SESN3: variants seen among roughly 807,000 people sequenced by gnomAD.
The protein encoded by SESN3 is sestrin 3.
SESN3 carries 21 observed loss-of-function variants against 55.3 expected under a neutral mutation model. That is an observed-to-expected ratio of 0.38 (90% confidence interval 0.27 to 0.55). The LOEUF (loss-of-function observed/expected upper bound fraction) is 0.55. SESN3 is among the 20% of genes least tolerant of loss of function. The pLI, the probability that SESN3 is intolerant of heterozygous loss-of-function variation, is 0.76. For missense variants in SESN3, 408 were observed against 604.3 expected (o/e 0.68, Z 3.41); for synonymous variants, 181 against 203.1 (o/e 0.89, Z 0.93).
At chr11:95,201,392 C>T (rs543113893) in intron 1 of SESN3, 8 of 152,140 alleles carry the variant, frequency 5.3e-5, no homozygotes, top group South Asian at 4.2e-4. Context: ...GAATTAAAAA[C>T]GTATATCCAC....
intron 1 of SESN3, among the ~76,000 whole-genome samples, chr11:95,200,275 C>T (rs1225362475): frequency 6.6e-6 from 1 of 152,020 alleles, no homozygotes; most frequent in Non-Finnish European, 1.5e-5. Flanking sequence ...GGTACTTTTA[C>T]AGTAAACTTA....
rs1555117558 is a variant in SESN3, at chr11:95,173,121, A to AAAC, written c.*133_*134insGTT. 1.4e-4 allele frequency: 72 copies of AAAC among 519,910 alleles called. 1 individual carries two copies. Among genetic ancestry groups the AAAC allele is most frequent in the East Asian group, 7.1e-4 (25 of 35,366 alleles). 32.2% of individuals were successfully genotyped at this position (519,910 alleles called of 1,614,324 possible). The stretch of plus-strand genomic sequence containing the variant: ...TGCACATTACAGCCGCAAAAAACAA[A>AAAC]AAAAAAAAAACAAACGGCTAAACTT... On this transcript the variant is annotated 3_prime_UTR_variant, in exon 10 of 10. Transcript: ENST00000536441.
chr11:95,185,277 A>G lies in SESN3; in HGVS notation c.741T>C (p.Ser247=), dbSNP rs986671650. The G allele has an allele frequency of 2.5e-6, 4 of 1,608,614 alleles. No individual in the cohort carries two copies. The highest frequency in any genetic ancestry group is 1.1e-5 in the South Asian group (1 of 90,780). ...TAACCCCAAAGTTGCTGCCTGAAAG[A>G]GATGCATTCTCTATGTTGTTGTCAT... The part of the protein sequence containing the change: ...LANDNNIENA[S]LSGSNFGIVD... Residue 247 remains serine, a synonymous_variant, in exon 5 of 10, where the codon TCT becomes TCC. Transcript: ENST00000536441.
At chr11:95,226,118 T>C (rs1860944283) in intron 1 of SESN3, among the ~76,000 whole-genome samples, 1 of 151,914 alleles carries the variant, frequency 6.6e-6, no homozygotes, top group Non-Finnish European at 1.5e-5. Flanking sequence ...GACAGAAAAG[T>C]GAGTATTAAC....
At chr11:95,208,898 A>G (rs563732170) in intron 1 of SESN3, among the ~76,000 whole-genome samples, 1 of 151,732 alleles carries the variant, frequency 6.6e-6, no homozygotes, top group South Asian at 2.1e-4. Context: ...CCCCTTCCTG[A>G]TACCTTAAAC....
Position 95,231,158 on chromosome 11 carries a change from G to GCCACCGCTGCCACCGCCA in SESN3, c.-316_-299dup, listed in dbSNP as rs1861056968. On this transcript the variant is annotated 5_prime_UTR_variant, in exon 1 of 10. Coordinates refer to ENST00000536441, the MANE Select transcript of SESN3 (RefSeq NM_144665.4). ...CCCCGCCAGGCTAGGACGAGCAGCC[G>GCCACCGCTGCCACCGCCA]CCACCGCTGCCACCGCCACCACCGC... is the stretch of plus-strand genomic sequence containing the variant. 7.4e-6 allele frequency: 2 copies of GCCACCGCTGCCACCGCCA among 270,268 alleles called. No homozygotes were observed. Among genetic ancestry groups the GCCACCGCTGCCACCGCCA allele is most frequent in the Admixed American group, 7.2e-5 (1 of 13,930 alleles). 16.7% of individuals were successfully genotyped at this position (270,268 alleles called of 1,614,324 possible).
chr11:95,206,389 C>T (rs1860547689), intron 1 of SESN3, among the ~76,000 whole-genome samples: 1 of 151,800 alleles, frequency 6.6e-6, no homozygotes, highest in African/African-American at 2.4e-5. Context: ...CACACACACA[C>T]ACACACACAC....
At chr11:95,189,366 T>C (rs1301617717) in intron 4 of SESN3, among the ~76,000 whole-genome samples, 2 of 151,998 alleles carry the variant, frequency 1.3e-5, no homozygotes, top group African/African-American at 4.8e-5. Flanking sequence ...CTAAAACTTA[T>C]GAAATGTTAG....
At chr11:95,208,467 G>A (rs984519582) in intron 1 of SESN3, among the ~76,000 whole-genome samples, 5 of 151,370 alleles carry the variant, frequency 3.3e-5, no homozygotes, top group African/African-American at 7.3e-5. Flanking sequence ...ATCAGTGTGC[G>A]AAATGTGTTT....
chr11:95,182,236 A>G (rs1860070983), intron 6 of SESN3: 1 of 245,436 alleles, frequency 4.1e-6, no homozygotes, highest in South Asian at 4.0e-5. Context: ...GCTCTTAAAA[A>G]TTAATTTCTG....
In SESN3 at chr11:95,167,855, A is replaced by G. The variant is rs909763046; in HGVS notation, c.*5400T>C. ...CCTAGCTGGAGAGAAGAACTATTAC[A>G]TCTTCTTCCTCTTTGCATTTCCTCT... On this transcript the variant is annotated 3_prime_UTR_variant, in exon 10 of 10. Coordinates refer to ENST00000536441, the MANE Select transcript of SESN3 (RefSeq NM_144665.4). 1 of 152,184 alleles carries G rather than the reference A, an allele frequency of 6.6e-6. No individual in the cohort carries two copies. Among genetic ancestry groups the G allele is most frequent in the African/African-American group, 2.4e-5 (1 of 41,440 alleles). 9.4% of individuals were successfully genotyped at this position (152,184 alleles called of 1,614,324 possible).
intron 7 of SESN3, 141 bp downstream of exon 7, chr11:95,178,569 T>G (rs1301397509): frequency 1.7e-6 from 1 of 603,208 alleles, no homozygotes; most frequent in South Asian, 2.2e-5. Flanking sequence ...GAACTCCAAT[T>G]AGATTAGGCT....
rs1169787434 is a variant in SESN3 at position 95,231,064 on chromosome 11, G to T, written c.-204C>A. The T allele has an allele frequency of 7.2e-6, 3 of 415,702 alleles. No individual in the cohort carries two copies. The highest frequency in any genetic ancestry group is 4.4e-5 in the Admixed American group (1 of 22,712). The allele number at this position is 415,702 out of a possible 1,614,324, so 25.8% of individuals were successfully genotyped here. On this transcript the variant is annotated 5_prime_UTR_variant, in exon 1 of 10. Transcript: ENST00000536441. Reference sequence around the variant, plus strand: ...CCACCGCGGCAGCTGCCCCAGCGACGGCGGAGACGGCGGCGGCTGCTCCTC... The same window carrying T: ...CCACCGCGGCAGCTGCCCCAGCGACTGCGGAGACGGCGGCGGCTGCTCCTC...
Position 95,166,228 on chromosome 11 carries a change from G to A in SESN3, c.*7027C>T, listed in dbSNP as rs1859744400. 2 of 150,940 alleles carry A rather than the reference G, an allele frequency of 1.3e-5. No homozygotes were observed. The highest frequency in any genetic ancestry group is 6.6e-5 in the Admixed American group (1 of 15,132). The allele number at this position is 150,940 out of a possible 1,614,324, so 9.4% of individuals were successfully genotyped here. On this transcript the variant is annotated 3_prime_UTR_variant, in exon 10 of 10. Coordinates refer to ENST00000536441, the MANE Select transcript of SESN3 (RefSeq NM_144665.4). ...TATATATAGCAGTCTTAAAGATCAC[G>A]TCATCTGCCTTACATTAGTCCAGTC...
chr11:95,173,178 T>C lies in SESN3; in HGVS notation c.*77A>G. On this transcript the variant is annotated 3_prime_UTR_variant, in exon 10 of 10. Coordinates refer to ENST00000536441, the MANE Select transcript of SESN3 (RefSeq NM_144665.4). ...TAGAGAACTGAATAATTTTTGATGCTATATCACAAATAGCTTCAATGTTTA... is the reference window on the plus strand; with the variant it reads ...TAGAGAACTGAATAATTTTTGATGCCATATCACAAATAGCTTCAATGTTTA... 7 of 809,646 alleles carry C rather than the reference T, an allele frequency of 8.6e-6. No homozygotes were observed. In the South Asian group the frequency reaches 1.3e-4, roughly 14 times the overall value. 50.2% of individuals were successfully genotyped at this position (809,646 alleles called of 1,614,324 possible).
chr11:95,205,080 A>T (rs1035478891), intron 1 of SESN3, among the ~76,000 whole-genome samples: 2 of 152,182 alleles, frequency 1.3e-5, no homozygotes, highest in African/African-American at 4.8e-5. Context: ...AGAAAAGGAT[A>T]GTTAAGTCTA....
chr11:95,186,193 ACTGT>A (rs1860160505), intron 4 of SESN3, among the ~76,000 whole-genome samples: 1 of 18,008 alleles, frequency 5.6e-5, no homozygotes, highest in Non-Finnish European at 1.2e-4. Context: ...TCTATCTCTC[ACTGT>A]GTGTGTGTGT....
chr11:95,186,171 CCTTTCTCTCT>C (rs1317755591), intron 4 of SESN3, among the ~76,000 whole-genome samples: 1 of 104,710 alleles, frequency 9.6e-6, no homozygotes, highest in African/African-American at 3.6e-5. Flanking sequence ...ATTTTCTCTC[CCTTTCTCTCT>C]CTCTATCTCT....
At chr11:95,229,159 T>C (rs1188283367) in intron 1 of SESN3, among the ~76,000 whole-genome samples, 1 of 152,196 alleles carries the variant, frequency 6.6e-6, no homozygotes, top group Admixed American at 6.5e-5. Context: ...AAATGACACA[T>C]TTTTTCATGT....
Sources: allele counts gnomAD v4.1 joint callset (sites outside exome capture counted in the v4.1 genomes callset), GRCh38; gene constraint gnomAD v4.1.1; transcripts MANE v1.5; gene names NCBI Gene and HGNC (gene_info 2026-07-23, HGNC 2026-07-21).